Variants in KIAA1217 observed in about 807,000 individuals in gnomAD.
KIAA1217 encodes sickle tail protein homolog.
In KIAA1217, 88 loss-of-function variants were observed where a neutral mutation model predicts 163.9. That is an observed-to-expected ratio of 0.54 (90% CI 0.45 to 0.64). The LOEUF is 0.64. KIAA1217 is among the 30% of genes least tolerant of loss of function. The probability of loss-of-function intolerance (pLI) is 0.00; values close to 1 mark genes in which losing one functional copy is unlikely to be tolerated. For synonymous variants in KIAA1217, 903 were observed against 923.1 expected (o/e 0.98, Z 0.39); for missense variants, 2,372 against 2,475.0 (o/e 0.96, Z 0.88).
chr10:24,282,208 T>TA (rs1294549452), intron 2 of KIAA1217, among the ~76,000 whole-genome samples: 3 of 148,944 alleles, frequency 2.0e-5, no homozygotes, highest in Non-Finnish European at 4.5e-5. Flanking sequence ...TCTACAAAAT[T>TA]TTTTTTTCAA....
At chr10:23,882,558 TTA>T (rs1840997558) in intron 1 of KIAA1217, among the ~76,000 whole-genome samples, 1 of 151,916 alleles carries the variant, frequency 6.6e-6, no homozygotes, top group Non-Finnish European at 1.5e-5. Flanking sequence ...TCTGTATCCC[TTA>T]TATTGATTTA....
chr10:24,186,657 G>A (rs1043994435), intron 2 of KIAA1217, among the ~76,000 whole-genome samples: 1 of 152,140 alleles, frequency 6.6e-6, no homozygotes, highest in African/African-American at 2.4e-5. Context: ...TTGAGAGGCT[G>A]AGGCGGGCAG....
chr10:24,357,620 G>A (rs1301871234), intron 2 of KIAA1217, among the ~76,000 whole-genome samples: 1 of 152,192 alleles, frequency 6.6e-6, no homozygotes, highest in Non-Finnish European at 1.5e-5. Context: ...GAAACCAGAG[G>A]TTTGCAAGCT....
intron 1 of KIAA1217, among the ~76,000 whole-genome samples, chr10:23,964,989 C>T (rs1276479985): frequency 6.6e-6 from 1 of 152,114 alleles, no homozygotes; most frequent in Admixed American, 6.5e-5. Flanking sequence ...CTATTAGAGG[C>T]AAAGGAACAG....
chr10:24,052,822 A>C (rs7086686), intron 2 of KIAA1217, among the ~76,000 whole-genome samples: 1 of 151,988 alleles, frequency 6.6e-6, no homozygotes, highest in East Asian at 1.9e-4. Context: ...AGTTTTATCA[A>C]TCTTGGCTAT....
intron 1 of KIAA1217, among the ~76,000 whole-genome samples, chr10:23,794,841 T>C (rs1046440077): frequency 2.6e-5 from 4 of 152,222 alleles, no homozygotes; most frequent in African/African-American, 9.6e-5. Flanking sequence ...TTTTATCTGA[T>C]TGTCAAAAGG....
chr10:24,133,779 A>C (rs942646681), intron 2 of KIAA1217, among the ~76,000 whole-genome samples: 68 of 152,328 alleles, frequency 4.5e-4, no homozygotes, highest in African/African-American at 1.6e-3. Flanking sequence ...GTTAGCTTTC[A>C]GTGATGATTC....
intron 2 of KIAA1217, among the ~76,000 whole-genome samples, chr10:24,272,956 T>C (rs2076912558): frequency 1.3e-5 from 2 of 152,232 alleles, no homozygotes; most frequent in Admixed American, 1.3e-4. Flanking sequence ...GAATGAAGTC[T>C]TAGACAGCAG....
At chr10:24,466,777 T>G in intron 5 of KIAA1217, 2 of 985,432 alleles carry the variant, frequency 2.0e-6, no homozygotes, top group Non-Finnish European at 2.4e-6. Context: ...CACAGGTGAT[T>G]TCCTTAAGAA....
At chr10:23,726,537 G>A (rs567367052) in intron 1 of KIAA1217, among the ~76,000 whole-genome samples, 107 of 152,010 alleles carry the variant, frequency 7.0e-4, no homozygotes, top group African/African-American at 2.5e-3. Flanking sequence ...GGCAACAAAA[G>A]CCAAAATTGA....
At chr10:23,722,105 T>C (rs1837904133) in intron 1 of KIAA1217, among the ~76,000 whole-genome samples, 1 of 152,172 alleles carries the variant, frequency 6.6e-6, no homozygotes, top group African/African-American at 2.4e-5. Context: ...AGACAAATAC[T>C]GTATGAATCC....
intron 1 of KIAA1217, among the ~76,000 whole-genome samples, chr10:23,712,754 T>C (rs1300464703): frequency 1.3e-5 from 2 of 152,134 alleles, no homozygotes; most frequent in Non-Finnish European, 2.9e-5. Context: ...CAGGATAAAG[T>C]TGTACATGTC....
intron 2 of KIAA1217, among the ~76,000 whole-genome samples, chr10:24,171,729 G>GT (rs1402800060): frequency 1.3e-5 from 2 of 152,126 alleles, no homozygotes; most frequent in Non-Finnish European, 2.9e-5. Flanking sequence ...GGAGGTTGCA[G>GT]TAAGCTAAGA....
At position 24,341,520 on chromosome 10, in the gene KIAA1217, G is replaced by A. The variant is rs547415821; in HGVS notation, c.355-39349G>A. The stretch of plus-strand genomic sequence containing the variant: ...TTTCATTATTTCTACTTGTAGATAC[G>A]TATAGTATCTCCTCTATTTGAGCCC... On this transcript the variant is annotated intron_variant, in intron 2 of 20. Transcript: ENST00000376454. Among the ~76,000 whole-genome samples, 28 of 152,162 alleles carry A rather than the reference G, an allele frequency of 1.8e-4. No homozygotes were observed. The South Asian group carries it at 4.6e-3, about 25-fold the overall frequency.
At chr10:24,025,772 T>C (rs1280038797) in intron 2 of KIAA1217, among the ~76,000 whole-genome samples, 1 of 151,842 alleles carries the variant, frequency 6.6e-6, no homozygotes, top group Non-Finnish European at 1.5e-5. Flanking sequence ...TTTGGTACTA[T>C]TCTAAATGGT....
chr10:23,994,067 G>A (rs1846352076), intron 1 of KIAA1217, among the ~76,000 whole-genome samples: 1 of 152,176 alleles, frequency 6.6e-6, no homozygotes, highest in Non-Finnish European at 1.5e-5. Flanking sequence ...TAGCTTGTGA[G>A]CAGATCTGGG....
chr10:24,262,208 A>G (rs2075789661), intron 2 of KIAA1217, among the ~76,000 whole-genome samples: 1 of 152,220 alleles, frequency 6.6e-6, no homozygotes, highest in African/African-American at 2.4e-5. Flanking sequence ...GAACCGCACA[A>G]GGACTTCAAG....
At chr10:24,079,373 T>C (rs192983747) in intron 2 of KIAA1217, among the ~76,000 whole-genome samples, 2 of 152,262 alleles carry the variant, frequency 1.3e-5, no homozygotes, top group East Asian at 3.9e-4. Context: ...ATGAGGCAGT[T>C]CTGAGCACCA....
chr10:24,003,397 T>C (rs1461043526), intron 1 of KIAA1217, among the ~76,000 whole-genome samples: 2 of 152,114 alleles, frequency 1.3e-5, no homozygotes, highest in Non-Finnish European at 2.9e-5. Context: ...TTAATTTGCA[T>C]TTCACTGATA....
Sources: allele counts gnomAD v4.1 joint callset (sites outside exome capture counted in the v4.1 genomes callset), GRCh38; gene constraint gnomAD v4.1.1; transcripts MANE v1.5; gene names NCBI Gene and HGNC (gene_info 2026-07-23, HGNC 2026-07-21).